TMEM135: variants seen among roughly 807,000 people sequenced by gnomAD.
The protein encoded by TMEM135 is peroxisomal membrane protein 52.
In TMEM135, 30 loss-of-function variants were observed where a neutral mutation model predicts 60.3. That is an observed-to-expected ratio of 0.50 (90% CI 0.37 to 0.68). The LOEUF (loss-of-function observed/expected upper bound fraction) is 0.68, where lower values mean the gene tolerates loss of function less well. Among genes scored for constraint, TMEM135 ranks in the 30% least tolerant of loss-of-function variants. TMEM135 has a pLI of 0.00. For synonymous variants in TMEM135, 190 were observed against 186.7 expected (o/e 1.02, Z -0.14); for missense variants, 468 against 548.8 (o/e 0.85, Z 1.47).
At chr11:87,109,851 G>GTAC (rs969082385) in intron 4 of TMEM135, among the ~76,000 whole-genome samples, 6 of 149,456 alleles carry the variant, frequency 4.0e-5, no homozygotes, top group African/African-American at 1.5e-4. Context: ...CACTGTTATT[G>GTAC]TACTGTATGT....
At chr11:87,104,458 T>C (rs887386951) in intron 4 of TMEM135, among the ~76,000 whole-genome samples, 1 of 152,214 alleles carries the variant, frequency 6.6e-6, no homozygotes, top group Non-Finnish European at 1.5e-5. Context: ...TTGCTTTTTC[T>C]ATTTCTGTGA....
chr11:87,147,410 G>T (rs1201668995), intron 4 of TMEM135, among the ~76,000 whole-genome samples: 1 of 152,306 alleles, frequency 6.6e-6, no homozygotes, highest in African/African-American at 2.4e-5. Context: ...ATATTGCCCA[G>T]TCTGGCCTCT....
At chr11:87,188,626 GC>G (rs1221812396) in intron 5 of TMEM135, among the ~76,000 whole-genome samples, 3 of 151,524 alleles carry the variant, frequency 2.0e-5, no homozygotes, top group Non-Finnish European at 4.4e-5. Flanking sequence ...ATCGCTAGAA[GC>G]CAGTAGGTGG....
At chr11:87,195,311 CTCTTTCCT>C (rs1430843281) in intron 5 of TMEM135, among the ~76,000 whole-genome samples, 2,122 of 137,940 alleles carry the variant, frequency 0.015, 105 homozygotes, top group East Asian at 0.031. Context: ...CTCTTTCTTT[CTCTTTCCT>C]TCCTTCCTTC....
At chr11:87,038,327 C>T in intron 1 of TMEM135, 141 bp downstream of exon 1, 2 of 349,700 alleles carry the variant, frequency 5.7e-6, no homozygotes, top group Admixed American at 7.4e-5. Context: ...TTTGGGGGGT[C>T]GGTAGGGGGA....
chr11:87,308,114 T>C (rs1402301481), intron 9 of TMEM135, among the ~76,000 whole-genome samples: 1 of 152,214 alleles, frequency 6.6e-6, no homozygotes, highest in Non-Finnish European at 1.5e-5. Context: ...CTTAGTTGTT[T>C]TCTTTTCCAG....
intron 5 of TMEM135, among the ~76,000 whole-genome samples, chr11:87,234,908 ATT>A (rs1169389258): frequency 6.6e-6 from 1 of 152,010 alleles, no homozygotes; most frequent in Non-Finnish European, 1.5e-5. Context: ...GACTTTGGAT[ATT>A]TAGAGAAGAT....
chr11:87,301,402 C>T (rs1041313254), intron 7 of TMEM135, among the ~76,000 whole-genome samples: 1 of 152,060 alleles, frequency 6.6e-6, no homozygotes, highest in African/African-American at 2.4e-5. Flanking sequence ...TACAGGCGTA[C>T]ACCACCATGC....
intron 5 of TMEM135, among the ~76,000 whole-genome samples, chr11:87,183,261 G>A (rs58446828): frequency 6.7e-6 from 1 of 149,644 alleles, no homozygotes; most frequent in African/African-American, 2.5e-5. Flanking sequence ...TCCTGCCTCA[G>A]CCTCCTGAGT....
rs1255934313 is a variant in TMEM135 at position 87,122,265 on chromosome 11, AAG to A, written c.396+30872_396+30873del. Among the ~76,000 whole-genome samples the A allele has an allele frequency of 2.2e-4, 33 of 150,284 alleles. 1 individual carries two copies. The highest frequency in any genetic ancestry group is 3.7e-4 in the Non-Finnish European group (25 of 67,608). The stretch of plus-strand genomic sequence containing the variant: ...CTGCTGTCATCTAAGTTATTTCGCA[AAG>A]ACAACAGACTATTCTTGACTGGCAG... On this transcript the variant is annotated intron_variant, in intron 4 of 14. Coordinates refer to ENST00000305494, the MANE Select transcript of TMEM135 (RefSeq NM_022918.4).
rs1416110079 is a variant in TMEM135 at position 87,321,970 on chromosome 11, ATC to A, written c.*643_*644del. The stretch of plus-strand genomic sequence containing the variant: ...ATGCTTTTTTTCAACTAATAACATC[ATC>A]TCTCTTCATGACCAGTTAATTGGGC... On this transcript the variant is annotated 3_prime_UTR_variant, in exon 15 of 15. Transcript: ENST00000305494. The A allele has an allele frequency of 2.2e-6, 1 of 454,358 alleles. No homozygotes were observed. Among genetic ancestry groups the A allele is most frequent in the East Asian group, 7.0e-5 (1 of 14,388 alleles). 28.1% of individuals were successfully genotyped at this position (454,358 alleles called of 1,614,324 possible).
intron 5 of TMEM135, among the ~76,000 whole-genome samples, chr11:87,213,923 T>G (rs1413411226): frequency 4.6e-5 from 7 of 152,194 alleles, no homozygotes; most frequent in Non-Finnish European, 1.0e-4. Flanking sequence ...AACCGTTCAG[T>G]GTAGCAGTAG....
At chr11:87,078,961 A>G (rs2512390) in intron 3 of TMEM135, among the ~76,000 whole-genome samples, 82,937 of 151,864 alleles carry the variant, frequency 0.55, 23,413 homozygotes, top group East Asian at 0.71. Flanking sequence ...ATCATTACCA[A>G]GACGAATATT....
chr11:87,112,827 A>G (rs562300157), intron 4 of TMEM135, among the ~76,000 whole-genome samples: 17 of 152,116 alleles, frequency 1.1e-4, no homozygotes, highest in East Asian at 1.9e-4. Context: ...TTTTCTTCCA[A>G]TAATGAATTA....
chr11:87,310,442 A>G (rs535317060), intron 10 of TMEM135, among the ~76,000 whole-genome samples: 32 of 152,064 alleles, frequency 2.1e-4, no homozygotes, highest in Non-Finnish European at 4.1e-4. Flanking sequence ...ACACATGGAC[A>G]TAAAGATGAC....
intron 6 of TMEM135, among the ~76,000 whole-genome samples, chr11:87,277,661 A>ACAGGCGCCCACCAC (rs1322994954): frequency 1.5e-4 from 22 of 151,548 alleles, no homozygotes; most frequent in Non-Finnish European, 3.2e-4. Context: ...AATTGGGATT[A>ACAGGCGCCCACCAC]CAGGCGCCCA....
intron 6 of TMEM135, among the ~76,000 whole-genome samples, chr11:87,271,342 A>G (rs1941858526): frequency 6.6e-6 from 1 of 152,204 alleles, no homozygotes; most frequent in African/African-American, 2.4e-5. Flanking sequence ...AAGTTGTGCC[A>G]TGCATTTTAT....
In TMEM135 at chr11:87,325,268, G is replaced by T. The variant is rs1942896017; in HGVS notation, c.*3935G>T. On this transcript the variant is annotated 3_prime_UTR_variant, in exon 15 of 15. Coordinates refer to ENST00000305494, the MANE Select transcript of TMEM135 (RefSeq NM_022918.4). The stretch of plus-strand genomic sequence containing the variant: ...ACAAAGAAATGAAACTGACTCTAGT[G>T]TGTGTGACTTCTGGAAACAGAAGTG... The T allele has an allele frequency of 2.2e-6, 1 of 454,066 alleles. No homozygotes were observed. The highest frequency in any genetic ancestry group is 4.4e-6 in the Non-Finnish European group (1 of 226,778). The allele number at this position is 454,066 out of a possible 1,614,324, so 28.1% of individuals were successfully genotyped here.
At chr11:87,127,367 C>G (rs1937762951) in intron 4 of TMEM135, among the ~76,000 whole-genome samples, 2 of 152,138 alleles carry the variant, frequency 1.3e-5, no homozygotes, top group Non-Finnish European at 2.9e-5. Flanking sequence ...CCATGGCAGG[C>G]CTTTCTGTGG....
Sources: gnomAD v4.1 joint callset for allele counts (sites outside exome capture counted in the v4.1 genomes callset) on GRCh38, gnomAD v4.1.1 for gene constraint, MANE v1.5 for transcripts, NCBI Gene and HGNC (gene_info 2026-07-23, HGNC 2026-07-21) for gene names.